The following MYH7B variants were observed in gnomAD, a reference collection of about 807,000 sequenced individuals.
MYH7B encodes myosin-7B.
MYH7B carries 205 observed loss-of-function variants against 234.5 expected under a neutral mutation model. The ratio of observed to expected loss-of-function variants is 0.87; its 90% CI spans 0.78 to 0.98. The LOEUF is 0.98. Ranked by LOEUF, MYH7B falls within the 50% of genes least tolerant of loss-of-function variation. The probability of loss-of-function intolerance (pLI) is 0.00; values close to 1 mark genes in which losing one functional copy is unlikely to be tolerated. For synonymous variants in MYH7B, 1,193 were observed against 1,105.0 expected (o/e 1.08, Z -1.58); for missense variants, 2,652 against 2,633.4 (o/e 1.01, Z -0.15).
At chr20:34,958,759 C>T (rs1443159637) in intron 2 of MYH7B, among the ~76,000 whole-genome samples, 8 of 152,160 alleles carry the variant, frequency 5.3e-5, no homozygotes, top group African/African-American at 1.7e-4. Flanking sequence ...CCACCGTGCC[C>T]GGCCTTGTAT....
At chr20:34,977,404 T>C (rs1406273310) in intron 3 of MYH7B, among the ~76,000 whole-genome samples, 3 of 152,114 alleles carry the variant, frequency 2.0e-5, no homozygotes, top group African/African-American at 7.2e-5. Context: ...CCTGAACCTC[T>C]TACTGCCTTG....
At position 35,000,515 on chromosome 20, in the gene MYH7B, G is replaced by GCT; in HGVS notation, c.5005_5006insTC (p.Arg1669LeufsTer64). Reference sequence around the variant, plus strand: ...AGCAGGCAGGGCGGGACGAGGAGCAGCGGCTGGCAGCTGAGCTCCACGAGC... The same window carrying GCT: ...AGCAGGCAGGGCGGGACGAGGAGCAGCTCGGCTGGCAGCTGAGCTCCACGAGC... On this transcript the variant is annotated frameshift_variant, in exon 39 of 45. Coordinates refer to ENST00000262873, the Ensembl canonical transcript of MYH7B. LOFTEE classifies it high-confidence loss of function. 1 of 1,595,368 alleles carries GCT rather than the reference G, an allele frequency of 6.3e-7. No individual in the cohort carries two copies.
chr20:35,002,172 C>T lies in MYH7B; in HGVS notation c.5815-5C>T, dbSNP rs2082404970. On this transcript the variant is annotated splice_region_variant and splice_polypyrimidine_tract_variant and intron_variant, in intron 44 of 44. Transcript: ENST00000262873. ...CTGCTCACTCAGCTATCCCTTTCTCCTCAGCACAAGGAGTGACGGCCTGAC... is the reference window on the plus strand; with the variant it reads ...CTGCTCACTCAGCTATCCCTTTCTCTTCAGCACAAGGAGTGACGGCCTGAC... The T allele has an allele frequency of 7.6e-6, 12 of 1,571,002 alleles. No homozygotes were observed. Among genetic ancestry groups the T allele is most frequent in the Admixed American group, 1.7e-5 (1 of 57,584 alleles).
exon 6 of MYH7B, chr20:34,979,424 C>T (rs928556451): frequency 1.4e-5 from 22 of 1,613,746 alleles, no homozygotes; most frequent in Middle Eastern, 3.3e-4. Flanking sequence ...ATGAACAGGA[C>T]GCCTACGTGG....
intron 2 of MYH7B, among the ~76,000 whole-genome samples, chr20:34,969,986 A>C (rs981300209): frequency 1.3e-5 from 2 of 152,198 alleles, no homozygotes; most frequent in African/African-American, 2.4e-5. Context: ...ACTAGGAGGT[A>C]GGTCCTGTTT....
chr20:34,998,460 T>TTGGTGCAGCCCTC (rs1361881349), intron 33 of MYH7B, 39 bp downstream of exon 33: 1 of 1,612,646 alleles, frequency 6.2e-7, no homozygotes, highest in Admixed American at 1.7e-5. Flanking sequence ...AGGCAGGGCT[T>TTGGTGCAGCCCTC]TGGTGCAGCC....
rs185829700 is a variant in MYH7B at position 34,968,816 on chromosome 20, C to T, written c.-221-6584C>T. ...ACCTAAGTATGCACAGCGCACGTAG[C>T]GTAGAGGATGGAGCCCGCAGGACAC... On this transcript the variant is annotated intron_variant, in intron 2 of 44. Coordinates refer to ENST00000262873, the Ensembl canonical transcript of MYH7B. 3.6e-3 allele frequency among the ~76,000 whole-genome samples: 546 copies of T among 152,162 alleles called. 3 individuals are homozygous for T. Among genetic ancestry groups the T allele is most frequent in the Non-Finnish European group, 5.0e-3 (340 of 68,004 alleles).
intron 26 of MYH7B, among the ~76,000 whole-genome samples, chr20:34,993,839 G>A (rs1270217236): frequency 2.0e-5 from 3 of 152,228 alleles, no homozygotes; most frequent in South Asian, 4.1e-4. Flanking sequence ...AAGGGTGCCC[G>A]TGTCAGAGAT....
At chr20:34,987,979 G>T (rs2082062427) in intron 18 of MYH7B, 65 bp downstream of exon 18, 1 of 1,557,790 alleles carries the variant, frequency 6.4e-7, no homozygotes, top group South Asian at 1.2e-5. Flanking sequence ...CCTGTGGGGG[G>T]GCAGAAGCCC....
intron 26 of MYH7B, among the ~76,000 whole-genome samples, 192 bp from the exon 27 acceptor site, chr20:34,993,954 G>A (rs913170589): frequency 6.6e-6 from 1 of 152,246 alleles, no homozygotes; most frequent in Non-Finnish European, 1.5e-5. Context: ...GACATGGGGG[G>A]CTCATGAGCC....
Position 34,986,882 on chromosome 20 carries a change from C to T in MYH7B, c.905-4C>T, listed in dbSNP as rs2082034797. 2.5e-6 allele frequency: 4 copies of T among 1,612,626 alleles called. No individual in the cohort carries two copies. The highest frequency in any genetic ancestry group is 3.4e-6 in the Non-Finnish European group (4 of 1,178,680). Reference sequence around the variant, plus strand: ...ACCCTCCCTTCTCTGCCCTGTGTCCCCAGACATGCTGCTTCTGTCTATGAA... The same window carrying T: ...ACCCTCCCTTCTCTGCCCTGTGTCCTCAGACATGCTGCTTCTGTCTATGAA... On this transcript the variant is annotated splice_region_variant and splice_polypyrimidine_tract_variant and intron_variant, in intron 14 of 44. Coordinates refer to ENST00000262873, the Ensembl canonical transcript of MYH7B.
At chr20:34,985,245 C>G (rs553224987) in intron 13 of MYH7B, 116 bp downstream of exon 13, 1 of 966,240 alleles carries the variant, frequency 1.0e-6, no homozygotes, top group Admixed American at 1.9e-5. Flanking sequence ...CTTCTCTCTA[C>G]CCCCTGGCTG....
intron 3 of MYH7B, 129 bp downstream of exon 3, chr20:34,975,628 C>T (rs1019219425): frequency 4.6e-5 from 28 of 605,342 alleles, no homozygotes; most frequent in Admixed American, 1.8e-4. Context: ...AGAGGGGACC[C>T]GCGTCATTTC....
At chr20:34,984,870 A>C (rs1405474451) in exon 12 of MYH7B, 1 of 1,613,902 alleles carries the variant, frequency 6.2e-7, no homozygotes, top group Non-Finnish European at 8.5e-7. Flanking sequence ...CTTGAGGATC[A>C]AATCATCGAG....
chr20:34,966,618 C>T (rs1437428913), intron 2 of MYH7B, among the ~76,000 whole-genome samples: 1 of 151,680 alleles, frequency 6.6e-6, no homozygotes, highest in Non-Finnish European at 1.5e-5. Context: ...GATGTGCGTG[C>T]ACACACACGC....
intron 2 of MYH7B, among the ~76,000 whole-genome samples, chr20:34,970,122 C>A (rs1377922836): frequency 2.0e-5 from 3 of 152,196 alleles, no homozygotes; most frequent in African/African-American, 7.2e-5. Flanking sequence ...CTGCTCTGTG[C>A]TGCCTCCCAA....
At position 34,995,467 on chromosome 20, in the gene MYH7B, C is replaced by T. The variant is rs762370981; in HGVS notation, c.2832C>T (p.Ala944=). Residue 944 remains alanine (A), a synonymous_variant, in exon 28 of 45, where the codon GCC becomes GCT. Transcript: ENST00000262873. Reference sequence around the variant, plus strand: ...AGGAGGAGGTGAACGCTGACCTGGCCGCCCGCCGGCGCAAGCTGGAGGACG... The same window carrying T: ...AGGAGGAGGTGAACGCTGACCTGGCTGCCCGCCGGCGCAAGCTGGAGGACG... 16 of 1,613,784 alleles carry T rather than the reference C, an allele frequency of 9.9e-6. No individual in the cohort carries two copies. The highest frequency in any genetic ancestry group is 4.5e-5 in the East Asian group (2 of 44,868).
intron 2 of MYH7B, among the ~76,000 whole-genome samples, chr20:34,958,985 C>A (rs2081667017): frequency 6.6e-6 from 1 of 152,172 alleles, no homozygotes. Flanking sequence ...AGGAAACCAA[C>A]ATTTAATGAA....
At position 34,987,065 on chromosome 20, in the gene MYH7B, G is replaced by A. The variant is rs1222925814; in HGVS notation, c.1008+76G>A. 47 of 1,608,210 alleles carry A rather than the reference G, an allele frequency of 2.9e-5. No homozygotes were observed. The South Asian group carries it at 5.0e-4, about 17-fold the overall frequency. On this transcript the variant is annotated intron_variant, in intron 15 of 44. Coordinates refer to ENST00000262873, the Ensembl canonical transcript of MYH7B. ...GGCAGCACTGCCGGTGCCCCCAGCT[G>A]CATGAATGGTCCCGGGGCAGTGCCT...
Sources: gnomAD v4.1 joint callset for allele counts (sites outside exome capture counted in the v4.1 genomes callset) on GRCh38, gnomAD v4.1.1 for gene constraint, MANE v1.5 for transcripts, NCBI Gene and HGNC (gene_info 2026-07-23, HGNC 2026-07-21) for gene names.